The following BOK variants were observed in gnomAD, a reference collection of about 807,000 sequenced individuals.
BOK encodes the protein BCL2 family apoptosis regulator BOK.
A neutral mutation model predicts 18.3 loss-of-function variants in BOK; 20 were observed. The observed-to-expected ratio is 1.09, with a 90% CI of 0.77 to 1.59. The LOEUF (loss-of-function observed/expected upper bound fraction) is 1.59. Ranked by LOEUF, BOK falls within the 40% of genes most tolerant of loss-of-function variation. The pLI is 0.00. For synonymous variants in BOK, 173 were observed against 142.4 expected, an observed-to-expected ratio of 1.21 and a Z score of -1.53; for missense variants, 348 against 307.9, an observed-to-expected ratio of 1.13 and a Z score of -0.97.
chr2:241,565,181 A>G (rs1261864710), intron 3 of BOK, among the ~76,000 whole-genome samples: 1 of 152,086 alleles, frequency 6.6e-6, no homozygotes, highest in Non-Finnish European at 1.5e-5. Context: ...TGTGGTCAGC[A>G]TCCCCCACCC....
At chr2:241,552,895 C>T (rs967554133) in intron 1 of BOK, among the ~76,000 whole-genome samples, 1 of 152,220 alleles carries the variant, frequency 6.6e-6, no homozygotes. Flanking sequence ...GGGTGCCAGC[C>T]TGGGGCACGT....
At chr2:241,556,651 C>T (rs1219316414), upstream of BOK, among the ~76,000 whole-genome samples, 2 of 151,292 alleles carry the variant, frequency 1.3e-5, no homozygotes, top group African/African-American at 2.4e-5. Context: ...ATTATTCTTC[C>T]TACTTCCCAG....
intron 3 of BOK, among the ~76,000 whole-genome samples, chr2:241,569,360 C>T (rs557529371): frequency 2.0e-5 from 3 of 152,208 alleles, no homozygotes; most frequent in South Asian, 2.1e-4. Context: ...CTTGAACTCC[C>T]AACCTTGTGA....
intron 3 of BOK, among the ~76,000 whole-genome samples, chr2:241,568,802 A>T (rs752005225): frequency 6.6e-6 from 1 of 152,194 alleles, no homozygotes; most frequent in East Asian, 1.9e-4. Flanking sequence ...CCTTTTGGCA[A>T]TTGTGAATTG....
chr2:241,563,344 C>T (rs990194748), intron 3 of BOK, among the ~76,000 whole-genome samples: 7 of 152,220 alleles, frequency 4.6e-5, no homozygotes, highest in African/African-American at 1.4e-4. Context: ...CTGCCTTTGA[C>T]CTCTGTGACC....
At chr2:241,555,924 T>A (rs1258480524), upstream of BOK, among the ~76,000 whole-genome samples, 1 of 152,200 alleles carries the variant, frequency 6.6e-6, no homozygotes, top group Non-Finnish European at 1.5e-5. Flanking sequence ...TGCCTGAGGC[T>A]ACACAGCGGG....
chr2:241,563,068 C>T (rs1388282337), intron 3 of BOK, among the ~76,000 whole-genome samples: 3 of 152,154 alleles, frequency 2.0e-5, no homozygotes, highest in Non-Finnish European at 2.9e-5. Flanking sequence ...AACAGCAGCG[C>T]ATCTCACCTG....
At chr2:241,569,779 C>T (rs999916501) in intron 3 of BOK, among the ~76,000 whole-genome samples, 7 of 152,202 alleles carry the variant, frequency 4.6e-5, no homozygotes, top group East Asian at 1.9e-4. Flanking sequence ...AAAATGTGGA[C>T]GCCAGGCCTG....
At chr2:241,571,780 A>T (rs937359592) in intron 4 of BOK, among the ~76,000 whole-genome samples, 2 of 152,238 alleles carry the variant, frequency 1.3e-5, no homozygotes, top group African/African-American at 4.8e-5. Context: ...CCCCAGAAGG[A>T]ACTTCAGAGT....
intron 2 of BOK, chr2:241,560,087 G>A: frequency 1.0e-6 from 1 of 985,422 alleles, no homozygotes; most frequent in South Asian, 4.7e-5. Context: ...GCTGTTACTG[G>A]CCGAGATCCC....
chr2:241,552,564 T>C (rs1244230969), intron 1 of BOK, among the ~76,000 whole-genome samples: 1 of 152,210 alleles, frequency 6.6e-6, no homozygotes, highest in East Asian at 1.9e-4. Context: ...CACCTATGCC[T>C]GAGGCTGCCG....
At chr2:241,571,536 G>A (rs1376154392) in intron 4 of BOK, among the ~76,000 whole-genome samples, 5 of 152,180 alleles carry the variant, frequency 3.3e-5, no homozygotes, top group South Asian at 2.1e-4. Context: ...GGTGCAGAGG[G>A]CAATGTCCCA....
At chr2:241,565,063 G>A (rs1370809144) in intron 3 of BOK, among the ~76,000 whole-genome samples, 1 of 152,150 alleles carries the variant, frequency 6.6e-6, no homozygotes, top group African/African-American at 2.4e-5. Flanking sequence ...CTGGACGAGC[G>A]GGCACACAGC....
chr2:241,554,374 G>C (rs138897392), upstream of BOK, among the ~76,000 whole-genome samples: 1 of 152,220 alleles, frequency 6.6e-6, no homozygotes, highest in Non-Finnish European at 1.5e-5. Context: ...GGCATCACTG[G>C]GTTATGGACC....
At position 241,573,293 on chromosome 2, in the gene BOK, CCAGG is replaced by C. The variant is rs2066753586; in HGVS notation, c.*872_*875del. Reference sequence around the variant, plus strand: ...CGGAACACCTCCTCTCACCTGAGCCCCAGGTGAAGGGGCCCGGAACACCTCCTGT... The same window carrying C: ...CGGAACACCTCCTCTCACCTGAGCCCTGAAGGGGCCCGGAACACCTCCTGT... On this transcript the variant is annotated 3_prime_UTR_variant, in exon 5 of 5. Transcript: ENST00000318407. 7.1e-6 allele frequency: 1 copy of C among 140,866 alleles called. No homozygotes were observed. The highest frequency in any genetic ancestry group is 2.6e-5 in the African/African-American group (1 of 38,402). The allele number at this position is 140,866 out of a possible 1,614,324, so 8.7% of individuals were successfully genotyped here.
Position 241,570,153 on chromosome 2 carries a change from G to A in BOK, c.378G>A (p.Leu126=), listed in dbSNP as rs370676314. The part of the protein sequence containing the change: ...AGITWGKVVS[L]YAVAAGLAVD... ...TCACGTGGGGCAAGGTGGTGTCCCT[G>A]TATGCGGTGGCCGCGGGGCTGGCCG... Residue 126 remains leucine, a synonymous_variant, in exon 4 of 5, where the codon CTG becomes CTA. Coordinates refer to ENST00000318407, the MANE Select transcript of BOK (RefSeq NM_032515.5). 6 of 1,611,774 alleles carry A rather than the reference G, an allele frequency of 3.7e-6. No homozygotes were observed. Among genetic ancestry groups the A allele is most frequent in the African/African-American group, 1.3e-5 (1 of 74,982 alleles).
intron 3 of BOK, among the ~76,000 whole-genome samples, chr2:241,565,592 T>G (rs1017135688): frequency 2.6e-5 from 4 of 152,008 alleles, no homozygotes; most frequent in African/African-American, 9.7e-5. Flanking sequence ...CTCCCTCTCC[T>G]CCTCTTAGCA....
At chr2:241,555,903 G>C (rs765941239), upstream of BOK, among the ~76,000 whole-genome samples, 1 of 152,164 alleles carries the variant, frequency 6.6e-6, no homozygotes, top group Non-Finnish European at 1.5e-5. Flanking sequence ...CCTGTGAATG[G>C]GGCAGGAAGT....
At chr2:241,566,154 C>T (rs1227712231) in intron 3 of BOK, among the ~76,000 whole-genome samples, 1 of 145,496 alleles carries the variant, frequency 6.9e-6, no homozygotes, top group African/African-American at 2.4e-5. Flanking sequence ...TTTGGTGGCA[C>T]ATGCCTGTAA....
Sources: gnomAD v4.1 joint callset for allele counts (sites outside exome capture counted in the v4.1 genomes callset) on GRCh38, gnomAD v4.1.1 for gene constraint, MANE v1.5 for transcripts, NCBI Gene and HGNC (gene_info 2026-07-23, HGNC 2026-07-21) for gene names.